KCNAB1: variants seen among roughly 807,000 people sequenced by gnomAD.
KCNAB1 encodes the protein voltage-gated potassium channel subunit beta-1.
A neutral mutation model predicts 64.6 loss-of-function variants in KCNAB1; 35 were observed. The ratio of observed to expected loss-of-function variants is 0.54; its 90% CI spans 0.41 to 0.72. The LOEUF (loss-of-function observed/expected upper bound fraction) is 0.72. KCNAB1 is among the 30% of genes least tolerant of loss of function. The pLI is 0.00. For missense variants in KCNAB1, 401 were observed against 512.9 expected (o/e 0.78, Z 2.11); for synonymous variants, 177 against 183.8 (o/e 0.96, Z 0.30).
At chr3:156,376,299 A>G (rs1310407323) in intron 1 of KCNAB1, among the ~76,000 whole-genome samples, 1 of 152,202 alleles carries the variant, frequency 6.6e-6, no homozygotes, top group East Asian at 1.9e-4. Flanking sequence ...ACTGGAGTAG[A>G]TGAAGAAGTC....
chr3:156,403,091 A>G (rs2108195047), intron 1 of KCNAB1, among the ~76,000 whole-genome samples: 1 of 152,342 alleles, frequency 6.6e-6, no homozygotes, highest in African/African-American at 2.4e-5. Context: ...GGCGGGTGAG[A>G]AACCACTTAA....
chr3:156,501,422 C>CTTTTT (rs34628325), intron 8 of KCNAB1, among the ~76,000 whole-genome samples: 4 of 82,522 alleles, frequency 4.8e-5, no homozygotes, highest in East Asian at 3.9e-4. Flanking sequence ...GACTTAGTAC[C>CTTTTT]TTTTTTTTTT....
rs567624973 is a variant in KCNAB1, at chr3:156,367,419, G to C, written c.276-54197G>C. Among the ~76,000 whole-genome samples, 906 of 151,694 alleles carry C rather than the reference G, an allele frequency of 6.0e-3. 10 individuals are homozygous for C. The highest frequency in any genetic ancestry group is 0.02 in the African/African-American group (822 of 41,308). On this transcript the variant is annotated intron_variant, in intron 1 of 13. Transcript: ENST00000490337. ...GATGGTCTCGATCTCCTGACTTCAT[G>C]ATCTACCCGCCTCGGCCTCCCAAAG...
chr3:156,413,517 T>C (rs2108212964), intron 1 of KCNAB1, among the ~76,000 whole-genome samples: 1 of 152,220 alleles, frequency 6.6e-6, no homozygotes, highest in East Asian at 1.9e-4. Flanking sequence ...TATGAAGTAG[T>C]TTCTATTATT....
chr3:156,381,375 A>C (rs1187629786), intron 1 of KCNAB1, among the ~76,000 whole-genome samples: 2 of 152,146 alleles, frequency 1.3e-5, no homozygotes, highest in Non-Finnish European at 2.9e-5. Flanking sequence ...TACTGAGGGG[A>C]TTCTGGTGAT....
At chr3:156,474,184 A>G (rs1380830934) in intron 7 of KCNAB1, among the ~76,000 whole-genome samples, 1 of 152,214 alleles carries the variant, frequency 6.6e-6, no homozygotes, top group Non-Finnish European at 1.5e-5. Context: ...TGTTCCAATT[A>G]GTAAAATGTT....
chr3:156,195,121 T>C (rs911537477), intron 1 of KCNAB1, among the ~76,000 whole-genome samples: 1 of 152,238 alleles, frequency 6.6e-6, no homozygotes, highest in Non-Finnish European at 1.5e-5. Context: ...GACCTTATCC[T>C]TTTTTATGGC....
At chr3:156,519,688 AC>A (rs1717809871) in intron 11 of KCNAB1, among the ~76,000 whole-genome samples, 1 of 152,220 alleles carries the variant, frequency 6.6e-6, no homozygotes, top group Non-Finnish European at 1.5e-5. Context: ...ATGGACTTGT[AC>A]ATTGTCATGA....
chr3:156,357,187 C>A lies in KCNAB1; in HGVS notation c.276-64429C>A, dbSNP rs1247107572. Among the ~76,000 whole-genome samples, 5 of 142,422 alleles carry A rather than the reference C, an allele frequency of 3.5e-5. No homozygotes were observed. In the South Asian group the frequency reaches 6.3e-4, roughly 18 times the overall value. 93.4% of individuals were successfully genotyped at this position (142,422 alleles called of 152,430 possible). ...CACACACACACACACACACACACAC[C>A]CCTGTTCTGAAACTCGATTATCTTA... On this transcript the variant is annotated intron_variant, in intron 1 of 13. Transcript: ENST00000490337.
At position 156,180,412 on chromosome 3, in the gene KCNAB1, A is replaced by G. The variant is rs190178157; in HGVS notation, c.275+59526A>G. On this transcript the variant is annotated intron_variant, in intron 1 of 13. Coordinates refer to ENST00000490337, the MANE Select transcript of KCNAB1 (RefSeq NM_172160.3). ...CATGTAAAAAGGGAGTTACTTAGCT[A>G]TTTAAACTTTTAAAAGACTAGACAT... is the stretch of plus-strand genomic sequence containing the variant. Among the ~76,000 whole-genome samples the G allele has an allele frequency of 6.2e-4, 95 of 152,338 alleles. 3 individuals carry two copies. The highest frequency in any genetic ancestry group is 5.9e-3 in the Admixed American group (90 of 15,304).
intron 1 of KCNAB1, among the ~76,000 whole-genome samples, chr3:156,128,917 C>T (rs1199423310): frequency 6.6e-6 from 1 of 152,212 alleles, no homozygotes; most frequent in Non-Finnish European, 1.5e-5. Context: ...AAAACATTCA[C>T]TAACTGTAAG....
chr3:156,127,368 ATTC>A (rs1218490169), intron 1 of KCNAB1, among the ~76,000 whole-genome samples: 1 of 152,244 alleles, frequency 6.6e-6, no homozygotes, highest in Non-Finnish European at 1.5e-5. Flanking sequence ...TAAGGCTGTA[ATTC>A]TTGTCATGTT....
At position 156,249,581 on chromosome 3, in the gene KCNAB1, A is replaced by G. The variant is rs538830158; in HGVS notation, c.275+128695A>G. 3.0e-3 allele frequency among the ~76,000 whole-genome samples: 452 copies of G among 150,966 alleles called. 4 individuals are homozygous for G. Among genetic ancestry groups the G allele is most frequent in the African/African-American group, 9.8e-3 (400 of 40,914 alleles). The stretch of plus-strand genomic sequence containing the variant: ...TGTCTAAAAAAAAAAGAAAAAAAAG[A>G]AAAAAAAAGAAAAAAAAGTAAATGC... On this transcript the variant is annotated intron_variant, in intron 1 of 13. Coordinates refer to ENST00000490337, the MANE Select transcript of KCNAB1 (RefSeq NM_172160.3).
At chr3:156,304,221 A>G (rs1006247385) in intron 1 of KCNAB1, among the ~76,000 whole-genome samples, 3 of 152,232 alleles carry the variant, frequency 2.0e-5, no homozygotes, top group Non-Finnish European at 4.4e-5. Flanking sequence ...TTGACAAAAG[A>G]CAAATGCTAA....
At chr3:156,242,873 C>G (rs1717240094) in intron 1 of KCNAB1, among the ~76,000 whole-genome samples, 1 of 150,292 alleles carries the variant, frequency 6.7e-6, no homozygotes, top group Admixed American at 6.6e-5. Flanking sequence ...GTCTGATCAT[C>G]CTTGATGGTG....
At chr3:156,507,554 C>A (rs1716908248) in intron 8 of KCNAB1, among the ~76,000 whole-genome samples, 1 of 152,218 alleles carries the variant, frequency 6.6e-6, no homozygotes, top group South Asian at 2.1e-4. Context: ...TGAGAGGATT[C>A]TCTGCAGCTC....
At chr3:156,142,866 AT>A (rs1245162944) in intron 1 of KCNAB1, 59 of 474,070 alleles carry the variant, frequency 1.2e-4, no homozygotes, top group Non-Finnish European at 1.4e-4. Flanking sequence ...AAGTTCCCAT[AT>A]TTTTTTTCCC....
At chr3:156,373,410 A>G (rs1726456704) in intron 1 of KCNAB1, among the ~76,000 whole-genome samples, 1 of 152,248 alleles carries the variant, frequency 6.6e-6, no homozygotes, top group African/African-American at 2.4e-5. Context: ...ATAAAGGATA[A>G]TTTGGAGAGA....
At chr3:156,296,316 C>T (rs1720771878) in intron 1 of KCNAB1, among the ~76,000 whole-genome samples, 1 of 152,122 alleles carries the variant, frequency 6.6e-6, no homozygotes, top group South Asian at 2.1e-4. Context: ...GGTCTCAGAG[C>T]TTCTGTCATT....
Sources: gnomAD v4.1 joint callset for allele counts (sites outside exome capture counted in the v4.1 genomes callset) on GRCh38, gnomAD v4.1.1 for gene constraint, MANE v1.5 for transcripts, NCBI Gene and HGNC (gene_info 2026-07-23, HGNC 2026-07-21) for gene names.